Variants in TMTC2 observed in about 807,000 individuals in gnomAD.
TMTC2 encodes the protein protein O-mannosyl-transferase TMTC2.
Under a neutral mutation model 82.4 loss-of-function variants are expected in TMTC2, and 43 were observed. The ratio of observed to expected loss-of-function variants is 0.52; its 90% CI spans 0.41 to 0.67. The LOEUF is 0.67. TMTC2 is among the 30% of genes least tolerant of loss of function. The probability of loss-of-function intolerance (pLI) is 0.00; values close to 1 mark genes in which losing one functional copy is unlikely to be tolerated. For synonymous variants in TMTC2, 408 were observed against 381.9 expected (o/e 1.07, Z -0.80); for missense variants, 919 against 1,012.4 (o/e 0.91, Z 1.25).
intron 1 of TMTC2, among the ~76,000 whole-genome samples, chr12:82,850,655 T>A (rs1348704744): frequency 6.6e-6 from 1 of 152,166 alleles, no homozygotes; most frequent in Non-Finnish European, 1.5e-5. Context: ...AGACTACAGT[T>A]ATCACTTCAT....
intron 1 of TMTC2, among the ~76,000 whole-genome samples, chr12:82,817,083 T>C (rs1868784953): frequency 6.6e-6 from 1 of 151,102 alleles, no homozygotes. Flanking sequence ...TTCTCCTGCC[T>C]CAGCCTCCCA....
intron 2 of TMTC2, among the ~76,000 whole-genome samples, chr12:82,872,476 T>C (rs1872251704): frequency 6.6e-6 from 1 of 152,232 alleles, no homozygotes; most frequent in Admixed American, 6.5e-5. Context: ...CTGAATTTCA[T>C]ATTGCTGCAT....
chr12:83,005,299 A>G (rs1237131420), intron 8 of TMTC2, among the ~76,000 whole-genome samples: 1 of 147,474 alleles, frequency 6.8e-6, no homozygotes, highest in African/African-American at 2.5e-5. Flanking sequence ...ACCGCACTCC[A>G]GCCTGGGAAA....
At chr12:82,715,407 G>A (rs970099052) in intron 1 of TMTC2, among the ~76,000 whole-genome samples, 1 of 152,148 alleles carries the variant, frequency 6.6e-6, no homozygotes, top group African/African-American at 2.4e-5. Context: ...AAAGGAGATG[G>A]GAAAGTGTGG....
chr12:83,041,458 T>G (rs1881893315), intron 9 of TMTC2, among the ~76,000 whole-genome samples: 1 of 152,192 alleles, frequency 6.6e-6, no homozygotes, highest in Non-Finnish European at 1.5e-5. Flanking sequence ...ACATAATAAA[T>G]GCTCAGTGAA....
chr12:82,716,282 A>T (rs911583632), intron 1 of TMTC2, among the ~76,000 whole-genome samples: 2 of 152,146 alleles, frequency 1.3e-5, no homozygotes, highest in African/African-American at 2.4e-5. Context: ...GCAGAATTAA[A>T]AATCATTATG....
In TMTC2 at chr12:83,051,126, C is replaced by T. The variant is rs145537743; in HGVS notation, c.2267+108C>T. 3.4e-4 allele frequency: 240 copies of T among 713,022 alleles called. No individual in the cohort carries two copies. In the African/African-American group the frequency reaches 3.9e-3, roughly 12 times the overall value. The allele number at this position is 713,022 out of a possible 1,614,324, so 44.2% of individuals were successfully genotyped here. A position where few individuals can be genotyped will look rare whatever the true frequency, so the allele number is the denominator to read the frequency against. On this transcript the variant is annotated intron_variant, in intron 10 of 11. Transcript: ENST00000321196. ...TTCCACATTCTCAATGTGAGTCAATCACGCTGCTTAACTATGTAAAAAATT... is the reference window on the plus strand; with the variant it reads ...TTCCACATTCTCAATGTGAGTCAATTACGCTGCTTAACTATGTAAAAAATT...
At chr12:82,832,347 T>G (rs899990377) in intron 1 of TMTC2, among the ~76,000 whole-genome samples, 65 of 152,090 alleles carry the variant, frequency 4.3e-4, no homozygotes, top group African/African-American at 1.5e-3. Context: ...GTACAAGTTT[T>G]TTTTTTTTTT....
At chr12:83,104,317 T>C (rs1357656307) in intron 11 of TMTC2, among the ~76,000 whole-genome samples, 1 of 152,152 alleles carries the variant, frequency 6.6e-6, no homozygotes, top group East Asian at 1.9e-4. Flanking sequence ...ATGTGGCGGC[T>C]CCAACCCAAC....
At chr12:83,003,453 T>C (rs987623518) in intron 8 of TMTC2, among the ~76,000 whole-genome samples, 1 of 152,186 alleles carries the variant, frequency 6.6e-6, no homozygotes, top group Admixed American at 6.5e-5. Context: ...TTTAGTCCTA[T>C]CATTGTGTTA....
At chr12:82,939,080 G>A (rs985946576) in intron 4 of TMTC2, among the ~76,000 whole-genome samples, 1 of 152,144 alleles carries the variant, frequency 6.6e-6, no homozygotes, top group Non-Finnish European at 1.5e-5. Flanking sequence ...TGAATGCTCA[G>A]TGGGATGATT....
At chr12:82,827,905 T>C (rs532561223) in intron 1 of TMTC2, among the ~76,000 whole-genome samples, 3 of 151,192 alleles carry the variant, frequency 2.0e-5, no homozygotes, top group Admixed American at 1.3e-4. Flanking sequence ...TTTTTTTTTT[T>C]CTTTTGAGAC....
chr12:83,117,473 A>C (rs1884798926), intron 11 of TMTC2, among the ~76,000 whole-genome samples: 1 of 152,184 alleles, frequency 6.6e-6, no homozygotes, highest in Non-Finnish European at 1.5e-5. Flanking sequence ...AACATATGCA[A>C]GTCAATAACT....
At chr12:82,797,075 CGATGCA>C (rs1565754299) in intron 1 of TMTC2, among the ~76,000 whole-genome samples, 1 of 152,040 alleles carries the variant, frequency 6.6e-6, no homozygotes, top group Non-Finnish European at 1.5e-5. Flanking sequence ...GTTGCCTTTC[CGATGCA>C]GACTGTATTG....
At chr12:83,041,539 G>GA (rs1272046261) in intron 9 of TMTC2, among the ~76,000 whole-genome samples, 1 of 151,846 alleles carries the variant, frequency 6.6e-6, no homozygotes, top group Non-Finnish European at 1.5e-5. Flanking sequence ...TTAAAAATAT[G>GA]AAAAAAATTT....
At chr12:82,958,628 A>T (rs924273370) in intron 4 of TMTC2, among the ~76,000 whole-genome samples, 4 of 152,124 alleles carry the variant, frequency 2.6e-5, no homozygotes, top group Non-Finnish European at 5.9e-5. Flanking sequence ...AATAAAATTT[A>T]TCAGCCCTTT....
chr12:83,032,257 TTATA>T (rs57604518), intron 9 of TMTC2, among the ~76,000 whole-genome samples: 4,180 of 130,476 alleles, frequency 0.032, 71 homozygotes, highest in Non-Finnish European at 0.047. Context: ...AGAGAATATT[TTATA>T]TATATATATA....
intron 8 of TMTC2, among the ~76,000 whole-genome samples, chr12:82,987,021 GA>G (rs1879179964): frequency 6.6e-6 from 1 of 152,106 alleles, no homozygotes; most frequent in Non-Finnish European, 1.5e-5. Context: ...AAATGATCAG[GA>G]AGGTGATTCC....
intron 1 of TMTC2, among the ~76,000 whole-genome samples, chr12:82,748,813 G>C (rs1185061426): frequency 2.0e-5 from 3 of 152,162 alleles, no homozygotes; most frequent in Non-Finnish European, 2.9e-5. Flanking sequence ...GGAGGCAGAG[G>C]TTGCAGTGAG....
Sources: allele counts gnomAD v4.1 joint callset (sites outside exome capture counted in the v4.1 genomes callset), GRCh38; gene constraint gnomAD v4.1.1; transcripts MANE v1.5; gene names NCBI Gene and HGNC (gene_info 2026-07-23, HGNC 2026-07-21).